Variants in ATF6 observed in about 807,000 individuals in gnomAD.
The protein encoded by ATF6 is activating transcription factor 6.
In ATF6, 53 loss-of-function variants were observed where a neutral mutation model predicts 83.6. The ratio of observed to expected loss-of-function variants is 0.63; its 90% confidence interval spans 0.51 to 0.80. ATF6 has a LOEUF of 0.80. Among genes scored for constraint, ATF6 ranks in the 30% least tolerant of loss-of-function variants. ATF6 has a pLI of 0.00. For synonymous variants in ATF6, 288 were observed against 285.8 expected, an observed-to-expected ratio of 1.01 and a Z score of -0.08; for missense variants, 744 against 797.9, an observed-to-expected ratio of 0.93 and a Z score of 0.81.
At chr1:161,883,011 C>T (rs1687350891) in intron 14 of ATF6, among the ~76,000 whole-genome samples, 1 of 151,844 alleles carries the variant, frequency 6.6e-6, no homozygotes, top group Non-Finnish European at 1.5e-5. Flanking sequence ...TTAGATTTAG[C>T]AAATTCATTC....
intron 6 of ATF6, among the ~76,000 whole-genome samples, chr1:161,797,669 A>T (rs1254537571): frequency 6.6e-6 from 1 of 152,228 alleles, no homozygotes; most frequent in Admixed American, 6.5e-5. Context: ...GAAATCAGAG[A>T]TCACACAAAC....
At chr1:161,896,568 G>A (rs773874634) in intron 14 of ATF6, among the ~76,000 whole-genome samples, 2 of 152,192 alleles carry the variant, frequency 1.3e-5, no homozygotes, top group Non-Finnish European at 2.9e-5. Flanking sequence ...CATAGAGAAT[G>A]TTGTGTTATT....
intron 9 of ATF6, among the ~76,000 whole-genome samples, chr1:161,828,527 C>T (rs1685961683): frequency 6.6e-6 from 1 of 152,100 alleles, no homozygotes; most frequent in Non-Finnish European, 1.5e-5. Flanking sequence ...CTCCCTTTTC[C>T]TCTACCCAAA....
At chr1:161,859,385 C>T (rs764002009) in intron 12 of ATF6, among the ~76,000 whole-genome samples, 2 of 152,174 alleles carry the variant, frequency 1.3e-5, no homozygotes, top group Non-Finnish European at 2.9e-5. Context: ...AGTTAAACTG[C>T]GAGCTTCTTA....
intron 1 of ATF6, among the ~76,000 whole-genome samples, chr1:161,768,958 T>A (rs1445047667): frequency 6.6e-6 from 1 of 152,230 alleles, no homozygotes; most frequent in Non-Finnish European, 1.5e-5. Flanking sequence ...CAACTCTAAA[T>A]AATTTAAATA....
chr1:161,817,527 G>A (rs1025932868), intron 7 of ATF6, among the ~76,000 whole-genome samples: 4 of 152,204 alleles, frequency 2.6e-5, no homozygotes, highest in African/African-American at 9.6e-5. Context: ...GTGTGTGTGT[G>A]TGAGTGTGTG....
chr1:161,854,374 G>C (rs1271714586), intron 12 of ATF6, among the ~76,000 whole-genome samples: 3 of 152,212 alleles, frequency 2.0e-5, no homozygotes, highest in African/African-American at 7.2e-5. Context: ...GGAAGAAAGA[G>C]TTTGGTGGAT....
chr1:161,785,128 C>T (rs942431578), intron 4 of ATF6, among the ~76,000 whole-genome samples: 3 of 152,210 alleles, frequency 2.0e-5, no homozygotes, highest in Non-Finnish European at 4.4e-5. Flanking sequence ...TCTGAGAGCT[C>T]CTATGCACTC....
At chr1:161,818,180 G>T (rs1685661427) in intron 7 of ATF6, among the ~76,000 whole-genome samples, 1 of 151,180 alleles carries the variant, frequency 6.6e-6, no homozygotes. Flanking sequence ...GAACACTCTA[G>T]AGTGTTTACT....
At chr1:161,846,788 T>C (rs1374784382) in intron 10 of ATF6, among the ~76,000 whole-genome samples, 2 of 152,096 alleles carry the variant, frequency 1.3e-5, no homozygotes, top group Non-Finnish European at 2.9e-5. Context: ...AAAATTCCTA[T>C]AGAGATGTAA....
At chr1:161,769,949 C>T (rs1684347430) in intron 1 of ATF6, among the ~76,000 whole-genome samples, 1 of 152,106 alleles carries the variant, frequency 6.6e-6, no homozygotes, top group Non-Finnish European at 1.5e-5. Flanking sequence ...GCCTGGTTCC[C>T]AACAGGGTTG....
intron 14 of ATF6, chr1:161,890,816 T>A (rs958097622): frequency 2.0e-5 from 3 of 152,622 alleles, no homozygotes; most frequent in African/African-American, 7.2e-5. Context: ...TCTGGGACCC[T>A]ATGACATAAT....
intron 15 of ATF6, among the ~76,000 whole-genome samples, chr1:161,944,169 T>C (rs905108970): frequency 1.5e-4 from 23 of 152,152 alleles, no homozygotes; most frequent in African/African-American, 5.6e-4. Flanking sequence ...TCCGAAAAAG[T>C]TGTAAGTTAA....
At chr1:161,766,896 A>G (rs1448775171) in intron 1 of ATF6, among the ~76,000 whole-genome samples, 2 of 152,188 alleles carry the variant, frequency 1.3e-5, no homozygotes, top group African/African-American at 2.4e-5. Context: ...AGCTTTTACT[A>G]TTGGTTTAAG....
intron 15 of ATF6, among the ~76,000 whole-genome samples, chr1:161,946,061 G>A (rs753105649): frequency 3.3e-5 from 5 of 152,028 alleles, no homozygotes; most frequent in Non-Finnish European, 5.9e-5. Flanking sequence ...GCTGTAGTGC[G>A]GTGGCTAGAT....
rs1688007312 is a variant in ATF6, at chr1:161,912,333, C to T, written c.1757C>T (p.Thr586Ile). 6.2e-7 allele frequency: 1 copy of T among 1,608,940 alleles called. No individual in the cohort carries two copies. The highest frequency in any genetic ancestry group is 1.3e-5 in the African/African-American group (1 of 74,600). Reference sequence around the variant, plus strand: ...TTACCAGCTACCACCCATAACAAGACCACAAGACCAAAAATGTCAATTGTG... The same window carrying T: ...TTACCAGCTACCACCCATAACAAGATCACAAGACCAAAAATGTCAATTGTG... ...LLLPATTHNKTTRPKMSIVLP... is the reference protein window; with the variant it reads ...LLLPATTHNKITRPKMSIVLP... Residue 586 changes from threonine to isoleucine, a missense_variant, in exon 15 of 16, where the codon ACC (threonine) becomes ATC (isoleucine). Coordinates refer to ENST00000367942, the MANE Select transcript of ATF6 (RefSeq NM_007348.4).
intron 14 of ATF6, among the ~76,000 whole-genome samples, chr1:161,874,189 T>C (rs1687166542): frequency 6.6e-6 from 1 of 151,658 alleles, no homozygotes; most frequent in South Asian, 2.1e-4. Flanking sequence ...CAGAAAGGAT[T>C]ATTTTTCAGT....
At chr1:161,870,916 T>A in intron 14 of ATF6, among the ~76,000 whole-genome samples, 1 of 151,788 alleles carries the variant, frequency 6.6e-6, no homozygotes, top group East Asian at 1.9e-4. Flanking sequence ...TATTTGGTAG[T>A]CTTATTATTA....
At chr1:161,817,918 A>T (rs12029726) in intron 7 of ATF6, among the ~76,000 whole-genome samples, 13,198 of 151,982 alleles carry the variant, frequency 0.087, 1,198 homozygotes, top group East Asian at 0.31. Context: ...TAACACGGTG[A>T]AACCCTGTCT....
Sources: allele counts gnomAD v4.1 joint callset (sites outside exome capture counted in the v4.1 genomes callset), GRCh38; gene constraint gnomAD v4.1.1; transcripts MANE v1.5; gene names NCBI Gene and HGNC (gene_info 2026-07-23, HGNC 2026-07-21).